The following CDKN3 variants were observed in gnomAD, a reference collection of about 807,000 sequenced individuals.
CDKN3 encodes cyclin-dependent kinase inhibitor 3.
Under a neutral mutation model 36.1 loss-of-function variants are expected in CDKN3, and 19 were observed. That is an observed-to-expected ratio of 0.53 (90% CI 0.37 to 0.77). The LOEUF (loss-of-function observed/expected upper bound fraction) is 0.77. Ranked by LOEUF, CDKN3 falls within the 30% of genes least tolerant of loss-of-function variation. The pLI is 0.00. For synonymous variants in CDKN3, 71 were observed against 85.3 expected (o/e 0.83, Z 0.92); for missense variants, 188 against 248.6 (o/e 0.76, Z 1.64).
chr14:54,415,744 T>C (rs1275775412), intron 5 of CDKN3, among the ~76,000 whole-genome samples, 155 bp from the exon 6 acceptor site: 2 of 152,194 alleles, frequency 1.3e-5, no homozygotes, highest in African/African-American at 4.8e-5. Context: ...CACCTTGCTC[T>C]CAGTTGATTA....
chr14:54,406,630 C>A (rs1022522774), intron 3 of CDKN3, among the ~76,000 whole-genome samples: 31 of 151,784 alleles, frequency 2.0e-4, no homozygotes, highest in African/African-American at 6.8e-4. Flanking sequence ...TTGATCGATT[C>A]AGCTATTGAT....
At chr14:54,406,392 CT>C (rs1218452910) in intron 3 of CDKN3, among the ~76,000 whole-genome samples, 2 of 152,016 alleles carry the variant, frequency 1.3e-5, no homozygotes, top group East Asian at 3.9e-4. Flanking sequence ...GCCTGTCTTT[CT>C]AGGTTGGATA....
intron 5 of CDKN3, chr14:54,413,688 T>C: frequency 6.5e-7 from 1 of 1,535,214 alleles, no homozygotes. Context: ...TAGACAGCTA[T>C]AGAGCTTATC....
chr14:54,412,586 T>C (rs1342645748), intron 5 of CDKN3, among the ~76,000 whole-genome samples: 1 of 151,644 alleles, frequency 6.6e-6, no homozygotes, highest in African/African-American at 2.4e-5. Context: ...CAAAAGAAGA[T>C]GGGTTAAGGA....
chr14:54,401,619 TA>T, intron 3 of CDKN3, 40 bp downstream of exon 3: 1 of 1,305,304 alleles, frequency 7.7e-7, no homozygotes. Flanking sequence ...AATATGTATA[TA>T]TTTTTTAATA....
At chr14:54,411,895 C>A in intron 5 of CDKN3, 189 bp downstream of exon 5, 1 of 631,362 alleles carries the variant, frequency 1.6e-6, no homozygotes, top group Non-Finnish European at 2.8e-6. Context: ...GCTGTTATTA[C>A]TTTTCAAGAG....
chr14:54,399,639 G>A (rs946576359), intron 1 of CDKN3, among the ~76,000 whole-genome samples: 1 of 152,208 alleles, frequency 6.6e-6, no homozygotes, highest in Admixed American at 6.5e-5. Context: ...TATACAGTAA[G>A]TGGCAGAACC....
At chr14:54,413,913 G>A in intron 5 of CDKN3, 1 of 1,021,254 alleles carries the variant, frequency 9.8e-7, no homozygotes, top group Non-Finnish European at 1.3e-6. Context: ...ATTTCTAGAG[G>A]ATGTAAGTCC....
chr14:54,405,570 A>G (rs2030125970), intron 3 of CDKN3, among the ~76,000 whole-genome samples: 1 of 152,132 alleles, frequency 6.6e-6, no homozygotes. Context: ...CTTCTTTTGC[A>G]TTGATCCCTT....
At chr14:54,415,255 T>C (rs1247354172) in intron 5 of CDKN3, among the ~76,000 whole-genome samples, 2 of 152,256 alleles carry the variant, frequency 1.3e-5, no homozygotes, top group Non-Finnish European at 2.9e-5. Flanking sequence ...CTTCTTACTC[T>C]GCACAAAGCT....
At position 54,399,292 on chromosome 14, in the gene CDKN3, ATCT is replaced by A. The variant is rs374742219; in HGVS notation, c.10-597_10-595del. ...TAAGCCACCGCACCCTCCCTTTCCTATCTTCTTTAAAACCTGCTCTTCCTTCAA... is the reference window on the plus strand; with the variant it reads ...TAAGCCACCGCACCCTCCCTTTCCTATCTTTAAAACCTGCTCTTCCTTCAA... On this transcript the variant is annotated intron_variant, in intron 1 of 7. Transcript: ENST00000335183. Among the ~76,000 whole-genome samples the A allele has an allele frequency of 3.7e-3, 569 of 151,934 alleles. 4 individuals are homozygous for A. Among genetic ancestry groups the A allele is most frequent in the African/African-American group, 0.01 (415 of 41,424 alleles).
In CDKN3 at chr14:54,397,034, G is replaced by A. The variant is rs1404818511; in HGVS notation, c.-35G>A. 1.4e-6 allele frequency: 2 copies of A among 1,480,976 alleles called. No homozygotes were observed. Among genetic ancestry groups the A allele is most frequent in the African/African-American group, 2.9e-5 (2 of 68,972 alleles). The allele number at this position is 1,480,976 out of a possible 1,614,324, so 91.7% of individuals were successfully genotyped here. On this transcript the variant is annotated 5_prime_UTR_variant, in exon 1 of 8. Coordinates refer to ENST00000335183, the MANE Select transcript of CDKN3 (RefSeq NM_005192.4). Reference sequence around the variant, plus strand: ...CGGTGAGTCGCCGGCGCTGCAGAGGGAGGCGGCACTGGTCTCGACGTGGGG... The same window carrying A: ...CGGTGAGTCGCCGGCGCTGCAGAGGAAGGCGGCACTGGTCTCGACGTGGGG...
At chr14:54,419,757 T>C (rs535189462) in intron 7 of CDKN3, among the ~76,000 whole-genome samples, 4 of 152,344 alleles carry the variant, frequency 2.6e-5, no homozygotes, top group African/African-American at 9.6e-5. Context: ...AACATATCCA[T>C]CTACATTTCA....
At chr14:54,412,577 A>T (rs978941879) in intron 5 of CDKN3, among the ~76,000 whole-genome samples, 3 of 152,220 alleles carry the variant, frequency 2.0e-5, no homozygotes, top group Non-Finnish European at 4.4e-5. Context: ...AGTTTAAAAC[A>T]AAAGAAGATG....
intron 5 of CDKN3, 42 bp downstream of exon 5, chr14:54,411,748 T>A: frequency 8.2e-7 from 1 of 1,222,820 alleles, no homozygotes; most frequent in Non-Finnish European, 1.2e-6. Context: ...AATGTCTCAG[T>A]CAAAATGATT....
chr14:54,403,211 C>T (rs564638681), intron 3 of CDKN3, among the ~76,000 whole-genome samples: 2 of 152,198 alleles, frequency 1.3e-5, no homozygotes, highest in Non-Finnish European at 2.9e-5. Context: ...TTGTTTGTGT[C>T]CTCTCTTATT....
chr14:54,413,652 C>T (rs1160355540), intron 5 of CDKN3: 1 of 1,535,300 alleles, frequency 6.5e-7, no homozygotes, highest in Non-Finnish European at 8.7e-7. Flanking sequence ...TCTATCCATT[C>T]TGCCATCTTT....
In CDKN3 at chr14:54,414,709, C is replaced by CTT. The variant is rs35670197; in HGVS notation, c.417-1171_417-1170dup. ...TTCAGGTGTGCGCCACCGTGCCAGG[C>CTT]TTTTTTTTTTTTTTTTTTTTGGAGA... is the stretch of plus-strand genomic sequence containing the variant. On this transcript the variant is annotated intron_variant, in intron 5 of 7. Coordinates refer to ENST00000335183, the MANE Select transcript of CDKN3 (RefSeq NM_005192.4). 6.6e-3 allele frequency among the ~76,000 whole-genome samples: 673 copies of CTT among 102,124 alleles called. 12 individuals are homozygous for CTT. Among genetic ancestry groups the CTT allele is most frequent in the African/African-American group, 0.023 (591 of 25,152 alleles). The allele number at this position is 102,124 out of a possible 152,430, so 67.0% of individuals were successfully genotyped here. A position where few individuals can be genotyped will look rare whatever the true frequency, so the allele number is the denominator to read the frequency against.
At chr14:54,414,427 T>G (rs1312599317) in intron 5 of CDKN3, among the ~76,000 whole-genome samples, 1 of 151,878 alleles carries the variant, frequency 6.6e-6, no homozygotes, top group African/African-American at 2.4e-5. Flanking sequence ...GAAATGAAAT[T>G]TGAGGTTTTA....
Sources: allele counts gnomAD v4.1 joint callset (sites outside exome capture counted in the v4.1 genomes callset), GRCh38; gene constraint gnomAD v4.1.1; transcripts MANE v1.5; gene names NCBI Gene and HGNC (gene_info 2026-07-23, HGNC 2026-07-21).